Variants in PLCL1 observed in about 807,000 individuals in gnomAD.
The protein encoded by PLCL1 is inactive phospholipase C-like protein 1.
Under a neutral mutation model 84.4 loss-of-function variants are expected in PLCL1, and 41 were observed. The observed-to-expected ratio is 0.49, with a 90% confidence interval of 0.38 to 0.63. The LOEUF (loss-of-function observed/expected upper bound fraction) is 0.63, where lower values mean the gene tolerates loss of function less well. PLCL1 is among the 30% of genes least tolerant of loss of function. The pLI is 0.00. For synonymous variants in PLCL1, 490 were observed against 488.3 expected, an observed-to-expected ratio of 1.00 and a Z score of -0.05; for missense variants, 1,206 against 1,367.8, an observed-to-expected ratio of 0.88 and a Z score of 1.87.
chr2:197,893,698 G>A (rs948092975), intron 1 of PLCL1, among the ~76,000 whole-genome samples: 1 of 149,360 alleles, frequency 6.7e-6, no homozygotes, highest in African/African-American at 2.4e-5. Context: ...CCCAAAGAAA[G>A]TTAGGTGCTT....
intron 1 of PLCL1, among the ~76,000 whole-genome samples, chr2:198,055,294 C>CCTCTCTCTCTCTCTCTCT (rs772260935): frequency 1.7e-5 from 2 of 120,328 alleles, no homozygotes; most frequent in African/African-American, 6.8e-5. Flanking sequence ...CTGGTCAAAG[C>CCTCTCTCTCTCTCTCTCT]CTCTCTCTCT....
At chr2:198,105,709 G>T (rs1693458982) in intron 5 of PLCL1, among the ~76,000 whole-genome samples, 1 of 150,940 alleles carries the variant, frequency 6.6e-6, no homozygotes, top group African/African-American at 2.4e-5. Flanking sequence ...AATGACAAAT[G>T]CTTCTGGGGA....
chr2:197,907,397 C>G (rs1688407323), intron 1 of PLCL1, among the ~76,000 whole-genome samples: 1 of 152,094 alleles, frequency 6.6e-6, no homozygotes, highest in African/African-American at 2.4e-5. Flanking sequence ...TGCTACCACG[C>G]CTGGCTAACT....
intron 1 of PLCL1, among the ~76,000 whole-genome samples, chr2:197,898,154 AT>A (rs2105733754): frequency 6.6e-6 from 1 of 152,282 alleles, no homozygotes; most frequent in Non-Finnish European, 1.5e-5. Context: ...GATCTTTCTG[AT>A]TGGCAGGGCT....
At chr2:198,094,936 G>C (rs1286237856) in intron 3 of PLCL1, among the ~76,000 whole-genome samples, 3 of 152,180 alleles carry the variant, frequency 2.0e-5, no homozygotes, top group Admixed American at 2.0e-4. Flanking sequence ...GTCACGGCTG[G>C]AGGTGGGAAG....
In PLCL1 at chr2:198,085,123, A is replaced by G. The variant is rs746525797; in HGVS notation, c.1606A>G (p.Met536Val). ...CCCATCACCAGAAAAATTAAAAAGA[A>G]TGATCATTGTGAAAGGAAAGAAGTT... ...YLPSPEKLKR[M>V]IIVKGKKLPS... Residue 536 changes from methionine (M) to valine (V), a missense_variant, in exon 2 of 6, where the codon ATG (methionine) becomes GTG (valine). By Grantham distance (21) the Met-to-Val change is conservative. Transcript: ENST00000428675. The surrounding 1 kb of genome is among the most constrained non-coding windows in gnomAD (Gnocchi z 5.3). 4 of 1,614,120 alleles carry G rather than the reference A, an allele frequency of 2.5e-6. No homozygotes were observed. The South Asian group carries it at 3.3e-5, about 13-fold the overall frequency.
intron 5 of PLCL1, among the ~76,000 whole-genome samples, chr2:198,117,583 C>G (rs922538098): frequency 1.3e-4 from 19 of 151,826 alleles, no homozygotes; most frequent in African/African-American, 4.6e-4. Context: ...ACCGCTTCCT[C>G]ATTCCCTTAC....
intron 1 of PLCL1, among the ~76,000 whole-genome samples, chr2:197,827,782 G>T (rs79106145): frequency 7.9e-5 from 12 of 152,134 alleles, no homozygotes; most frequent in African/African-American, 2.9e-4. Context: ...TCCCCCAAAT[G>T]GTCATAGCAC....
At chr2:197,989,212 T>C (rs1690285474) in intron 1 of PLCL1, among the ~76,000 whole-genome samples, 1 of 152,226 alleles carries the variant, frequency 6.6e-6, no homozygotes, top group African/African-American at 2.4e-5. Context: ...TTTATAGAAG[T>C]TTGCTAGGTG....
At chr2:198,143,367 C>A (rs922479079) in intron 5 of PLCL1, among the ~76,000 whole-genome samples, 1 of 152,182 alleles carries the variant, frequency 6.6e-6, no homozygotes, top group Non-Finnish European at 1.5e-5. Flanking sequence ...CCACTGCTCA[C>A]GTCCTGCTGT....
In PLCL1 at chr2:198,008,862, C is replaced by G. The variant is rs181800353; in HGVS notation, c.241-74896C>G. ...CATCTTCTCTACATCTTCACCAATG[C>G]TTGGTATTTTACGCTCTTTTGATGG... On this transcript the variant is annotated intron_variant, in intron 1 of 5. Transcript: ENST00000428675. Among the ~76,000 whole-genome samples, 7 of 152,086 alleles carry G rather than the reference C, an allele frequency of 4.6e-5. No individual in the cohort carries two copies. The East Asian group carries it at 1.3e-3, about 29-fold the overall frequency.
Position 197,820,749 on chromosome 2 carries a change from G to A in PLCL1, c.240+15410G>A, listed in dbSNP as rs949130680. On this transcript the variant is annotated intron_variant, in intron 1 of 5. Coordinates refer to ENST00000428675, the MANE Select transcript of PLCL1 (RefSeq NM_006226.4). ...AAATTCTGAAGTGGATATTTTTGCT[G>A]TTCTGAACTTCTTCAAGAAAAATCT... 2.6e-5 allele frequency among the ~76,000 whole-genome samples: 4 copies of A among 152,076 alleles called. No individual in the cohort carries two copies. In the South Asian group the frequency reaches 6.2e-4, roughly 24 times the overall value.
At chr2:198,127,802 ACAG>A (rs1694023743) in intron 5 of PLCL1, among the ~76,000 whole-genome samples, 1 of 152,166 alleles carries the variant, frequency 6.6e-6, no homozygotes, top group South Asian at 2.1e-4. Flanking sequence ...CTTTTTGTGG[ACAG>A]CAGGCACTCC....
intron 1 of PLCL1, among the ~76,000 whole-genome samples, chr2:197,859,242 T>G (rs1404591874): frequency 3.3e-5 from 5 of 152,126 alleles, no homozygotes; most frequent in Non-Finnish European, 5.9e-5. Flanking sequence ...CTACCTTGCT[T>G]CTTATTTCTG....
chr2:197,831,405 G>C (rs548242857), intron 1 of PLCL1, among the ~76,000 whole-genome samples: 1 of 152,096 alleles, frequency 6.6e-6, no homozygotes, highest in South Asian at 2.1e-4. Flanking sequence ...AACCAACAAG[G>C]ATCAAAAAAG....
intron 1 of PLCL1, among the ~76,000 whole-genome samples, chr2:197,851,216 C>T (rs1687229823): frequency 6.6e-6 from 1 of 152,168 alleles, no homozygotes; most frequent in South Asian, 2.1e-4. Context: ...AGCGGAAAAA[C>T]TTTTTTCCTC....
chr2:197,863,699 G>A (rs968314232), intron 1 of PLCL1, among the ~76,000 whole-genome samples: 3 of 152,108 alleles, frequency 2.0e-5, no homozygotes, highest in Non-Finnish European at 4.4e-5. Context: ...GTCCAAACTA[G>A]GACATTGTTG....
intron 5 of PLCL1, among the ~76,000 whole-genome samples, chr2:198,126,227 T>G (rs1034208460): frequency 6.6e-6 from 1 of 152,082 alleles, no homozygotes; most frequent in African/African-American, 2.4e-5. Context: ...TGCCTCTATG[T>G]CTCTGCATAC....
intron 1 of PLCL1, among the ~76,000 whole-genome samples, chr2:197,886,606 T>A (rs953893096): frequency 1.3e-5 from 2 of 151,866 alleles, no homozygotes; most frequent in Non-Finnish European, 2.9e-5. Flanking sequence ...GAAAAAAAAA[T>A]TATCAGAAAG....
Sources: allele counts gnomAD v4.1 joint callset (sites outside exome capture counted in the v4.1 genomes callset), GRCh38; gene constraint gnomAD v4.1.1; non-coding constraint Gnocchi (gnomAD v3.1); transcripts MANE v1.5; gene names NCBI Gene and HGNC (gene_info 2026-07-23, HGNC 2026-07-21).